ZNF397: variants seen among roughly 807,000 people sequenced by gnomAD.
ZNF397 encodes zinc finger and SCAN domain-containing protein 15.
ZNF397 carries 38 observed loss-of-function variants against 50.6 expected under a neutral mutation model. The observed-to-expected ratio is 0.75, with a 90% CI of 0.58 to 0.98. The LOEUF (loss-of-function observed/expected upper bound fraction) is 0.98, where lower values mean the gene tolerates loss of function less well. ZNF397 is among the 50% of genes least tolerant of loss of function. ZNF397 has a pLI of 0.00. For synonymous variants in ZNF397, 228 were observed against 215.2 expected (o/e 1.06, Z -0.52); for missense variants, 624 against 624.1 (o/e 1.00, Z 0.00).
rs538313458 is a variant in ZNF397, at chr18:35,257,914, T to C, written c.818-14T>C. On this transcript the variant is annotated splice_polypyrimidine_tract_variant and intron_variant, in intron 5 of 5. Coordinates refer to the ZNF397 transcript ENST00000261333. ...TTTTCCCTTCCTAATCCTGCTTCTC[T>C]CTCTCCATTACAGATTTTTCCTGAA... 9 of 781,044 alleles carry C rather than the reference T, an allele frequency of 1.2e-5. No individual in the cohort carries two copies. In the Admixed American group the frequency reaches 1.4e-4, roughly 12 times the overall value. 48.4% of individuals were successfully genotyped at this position (781,044 alleles called of 1,614,324 possible).
In ZNF397 at chr18:35,243,214, C is replaced by T; in HGVS notation, c.477C>T (p.Ser159=). 1 of 1,614,168 alleles carries T rather than the reference C, an allele frequency of 6.2e-7. No individual in the cohort carries two copies. Among genetic ancestry groups the T allele is most frequent in the Non-Finnish European group, 8.5e-7 (1 of 1,180,024 alleles). ...PWKDLTCLRA[S]QESTDIHLQP... ...AGGATTTAACATGTCTCAGAGCATC[C>T]CAAGAGTCAACAGACATCCACCTCC... The change falls in exon 3 of 4, where the codon TCC becomes TCT. Residue 159 remains serine, a synonymous_variant. Coordinates refer to ENST00000330501, the MANE Select transcript of ZNF397 (RefSeq NM_001135178.3).
downstream of ZNF397, chr18:35,251,047 A>G (rs975872694): frequency 7.9e-5 from 12 of 152,222 alleles, no homozygotes; most frequent in Admixed American, 2.0e-4. Context: ...CTGAATGAAT[A>G]ATTTCAAAGC....
chr18:35,243,501 C>A, intron 3 of ZNF397: 6 of 674,130 alleles, frequency 8.9e-6, no homozygotes, highest in Non-Finnish European at 1.5e-5. Context: ...TTCATTCATT[C>A]ATTTCATTAT....
In ZNF397 at chr18:35,245,540, C is replaced by T. The variant is rs1377959247; in HGVS notation, c.835C>T (p.Pro279Ser). The T allele has an allele frequency of 1.3e-6, 2 of 1,552,400 alleles. No individual in the cohort carries two copies. Among genetic ancestry groups the T allele is most frequent in the Middle Eastern group, 1.7e-4 (1 of 5,998 alleles). The change falls in exon 4 of 4, where the codon CCT becomes TCT. Residue 279 changes from proline to serine, a missense_variant. Transcript: ENST00000330501. ...AGACTCTATAATGTGTCAGAAAGTT[C>T]CTCCAGAAGAGAGACCTTATAGATG... ...TTDSIMCQKV[P>S]PEERPYRCDV...
chr18:35,246,020 G>T lies in ZNF397; in HGVS notation c.1315G>T (p.Glu439Ter). Residue 439 changes from glutamate (E) to a stop codon, truncating the protein, a stop_gained, in exon 4 of 4, where the codon GAG becomes TAG. Coordinates refer to ENST00000330501, the MANE Select transcript of ZNF397 (RefSeq NM_001135178.3). LOFTEE classifies it high-confidence loss of function. Reference sequence around the variant, plus strand: ...TGGAAAAGCTTTCAGGCAGAGCTCAGAGCTGATTACTCATCAGAGAATACA... The same window carrying T: ...TGGAAAAGCTTTCAGGCAGAGCTCATAGCTGATTACTCATCAGAGAATACA... ...ECGKAFRQSS[E>*]LITHQRIHSG... 1 of 1,571,044 alleles carries T rather than the reference G, an allele frequency of 6.4e-7. No individual in the cohort carries two copies. Among genetic ancestry groups the T allele is most frequent in the Non-Finnish European group, 8.6e-7 (1 of 1,158,116 alleles).
chr18:35,253,361 TG>T, downstream of ZNF397: 1 of 1,080,964 alleles, frequency 9.3e-7, no homozygotes, highest in Non-Finnish European at 1.3e-6. Context: ...ACAGAAGTTC[TG>T]CTCTCAGGAA....
At chr18:35,252,639 C>T (rs569030112), downstream of ZNF397, 5 of 152,300 alleles carry the variant, frequency 3.3e-5, no homozygotes, top group African/African-American at 9.6e-5. Flanking sequence ...ACCATCATAT[C>T]CAGGAAGTCT....
At chr18:35,243,640 G>T (rs1912701679) in intron 3 of ZNF397, 1 of 536,614 alleles carries the variant, frequency 1.9e-6, no homozygotes, top group South Asian at 2.3e-5. Flanking sequence ...AATATAAGTA[G>T]GCAGTGGGTA....
downstream of ZNF397, chr18:35,251,362 G>A (rs2043587380): frequency 6.6e-6 from 1 of 152,110 alleles, no homozygotes; most frequent in African/African-American, 2.4e-5. Context: ...ATCTCTGATT[G>A]TCACCTATAG....
At position 35,257,877 on chromosome 18, in the gene ZNF397, C is replaced by A. The variant is rs575582047; in HGVS notation, c.818-51C>A. 9.0e-6 allele frequency: 7 copies of A among 781,016 alleles called. No individual in the cohort carries two copies. The Admixed American group carries it at 1.0e-4, about 11-fold the overall frequency. 48.4% of individuals were successfully genotyped at this position (781,016 alleles called of 1,614,324 possible). A position where few individuals can be genotyped will look rare whatever the true frequency, so the allele number is the denominator to read the frequency against. On this transcript the variant is annotated intron_variant, in intron 5 of 5. Coordinates refer to the ZNF397 transcript ENST00000261333. The stretch of plus-strand genomic sequence containing the variant: ...GCCTAGACTGTAACTGAGACCACAT[C>A]ATTGCTTGCTCTTTTCCCTTCCTAA...
In ZNF397 at chr18:35,255,499, C is replaced by T. The variant is rs116698612; in HGVS notation, c.817+1097C>T. Among the ~76,000 whole-genome samples the T allele has an allele frequency of 6.9e-3, 1,047 of 152,170 alleles. 13 individuals are homozygous for T. Among genetic ancestry groups the T allele is most frequent in the African/African-American group, 0.022 (917 of 41,518 alleles). ...AAGAGTTAGGATTCAAATAAACATT[C>T]TTAACATCAAAACTTGTAATCTTTA... is the stretch of plus-strand genomic sequence containing the variant. On this transcript the variant is annotated intron_variant, in intron 5 of 5. Coordinates refer to the ZNF397 transcript ENST00000261333.
At chr18:35,245,099 T>C (rs2043450527) in intron 3 of ZNF397, among the ~76,000 whole-genome samples, 163 bp from the exon 4 acceptor site, 1 of 151,792 alleles carries the variant, frequency 6.6e-6, no homozygotes, top group South Asian at 2.1e-4. Context: ...GATGTAGACT[T>C]TATTATTAGA....
intron 3 of ZNF397, 185 bp downstream of exon 3, chr18:35,243,478 A>T: frequency 1.4e-6 from 1 of 731,896 alleles, no homozygotes; most frequent in Non-Finnish European, 2.3e-6. Context: ...CTCCTGTGTG[A>T]GTTTCCCTGT....
rs1912652544 is a variant in ZNF397 at position 35,243,205 on chromosome 18, C to G, written c.468C>G (p.Leu156=). 2 of 1,614,208 alleles carry G rather than the reference C, an allele frequency of 1.2e-6. No homozygotes were observed. The highest frequency in any genetic ancestry group is 1.7e-6 in the Non-Finnish European group (2 of 1,180,024). ...PAVPWKDLTC[L]RASQESTDIH... is the part of the protein sequence containing the mutation. ...TGCCATGGAAGGATTTAACATGTCT[C>G]AGAGCATCCCAAGAGTCAACAGACA... is the stretch of plus-strand genomic sequence containing the variant. The change falls in exon 3 of 4, where the codon CTC becomes CTG. Residue 156 remains leucine (L), a synonymous_variant. Coordinates refer to ENST00000330501, the MANE Select transcript of ZNF397 (RefSeq NM_001135178.3).
In ZNF397 at chr18:35,245,922, T is replaced by A; in HGVS notation, c.1217T>A (p.Phe406Tyr). ...PYECNECGKTFSQSSKLIRHQ... is the reference protein window; with the variant it reads ...PYECNECGKTYSQSSKLIRHQ... Reference sequence around the variant, plus strand: ...GAGTGTAATGAATGTGGGAAAACCTTTAGCCAGAGCTCAAAACTCATTAGA... The same window carrying A: ...GAGTGTAATGAATGTGGGAAAACCTATAGCCAGAGCTCAAAACTCATTAGA... The change falls in exon 4 of 4, where the codon TTT (phenylalanine) becomes TAT (tyrosine). Residue 406 changes from phenylalanine (F) to tyrosine (Y), a missense_variant. Transcript: ENST00000330501. 1 of 1,572,906 alleles carries A rather than the reference T, an allele frequency of 6.4e-7. No individual in the cohort carries two copies. Among genetic ancestry groups the A allele is most frequent in the Non-Finnish European group, 8.6e-7 (1 of 1,158,960 alleles).
chr18:35,248,359 A>G lies in ZNF397; in HGVS notation c.*2049A>G, dbSNP rs2043516227. 1 of 152,242 alleles carries G rather than the reference A, an allele frequency of 6.6e-6. No individual in the cohort carries two copies. The highest frequency in any genetic ancestry group is 2.1e-4 in the South Asian group (1 of 4,832). 9.4% of individuals were successfully genotyped at this position (152,242 alleles called of 1,614,324 possible). A position where few individuals can be genotyped will look rare whatever the true frequency, so the allele number is the denominator to read the frequency against. On this transcript the variant is annotated 3_prime_UTR_variant, in exon 4 of 4. Coordinates refer to ENST00000330501, the MANE Select transcript of ZNF397 (RefSeq NM_001135178.3). Reference sequence around the variant, plus strand: ...CCCATGTTTAGGGAGAGAATATGGAAAAAATGGATGGGATTATTTGGAAAA... The same window carrying G: ...CCCATGTTTAGGGAGAGAATATGGAGAAAATGGATGGGATTATTTGGAAAA...
Position 35,247,966 on chromosome 18 carries a change from A to G in ZNF397, c.*1656A>G, listed in dbSNP as rs1598586702. ...ATTACAGGCGTGAGCCATGGCGCCC[A>G]ACCATCTTTTGCAAATTTTATTAAA... On this transcript the variant is annotated 3_prime_UTR_variant, in exon 4 of 4. Coordinates refer to ENST00000330501, the MANE Select transcript of ZNF397 (RefSeq NM_001135178.3). 1 of 152,100 alleles carries G rather than the reference A, an allele frequency of 6.6e-6. No homozygotes were observed. The highest frequency in any genetic ancestry group is 2.4e-5 in the African/African-American group (1 of 41,430). 9.4% of individuals were successfully genotyped at this position (152,100 alleles called of 1,614,324 possible).
At position 35,247,073 on chromosome 18, in the gene ZNF397, G is replaced by A. The variant is rs1569046224; in HGVS notation, c.*763G>A. ...AGCCAAGGTGGTACTCTAGGGAAGT[G>A]GTACCCCAGTAAAGAACAGTAGCCA... On this transcript the variant is annotated 3_prime_UTR_variant, in exon 4 of 4. Transcript: ENST00000330501. The A allele has an allele frequency of 1.0e-6, 1 of 983,402 alleles. No individual in the cohort carries two copies. The highest frequency in any genetic ancestry group is 1.2e-6 in the Non-Finnish European group (1 of 828,122). 60.9% of individuals were successfully genotyped at this position (983,402 alleles called of 1,614,324 possible). A position where few individuals can be genotyped will look rare whatever the true frequency, so the allele number is the denominator to read the frequency against.
chr18:35,248,564 A>G lies in ZNF397; in HGVS notation c.*2254A>G, dbSNP rs1196989572. On this transcript the variant is annotated 3_prime_UTR_variant, in exon 4 of 4. Transcript: ENST00000330501. ...AGAAAGCAATGTAATAGATAGACCA[A>G]GCACAGTGGCTCACACCTATAATGC... The G allele has an allele frequency of 6.6e-6, 1 of 152,204 alleles. No homozygotes were observed. The highest frequency in any genetic ancestry group is 1.5e-5 in the Non-Finnish European group (1 of 68,038). 9.4% of individuals were successfully genotyped at this position (152,204 alleles called of 1,614,324 possible).
Sources: allele counts gnomAD v4.1 joint callset (sites outside exome capture counted in the v4.1 genomes callset), GRCh38; gene constraint gnomAD v4.1.1; transcripts MANE v1.5; gene names NCBI Gene and HGNC (gene_info 2026-07-23, HGNC 2026-07-21).